The following SARNP variants were observed in gnomAD, a reference collection of about 807,000 sequenced individuals.
SARNP encodes the protein SAP domain containing ribonucleoprotein, also known as SAP domain-containing ribonucleoprotein.
Under a neutral mutation model 38.1 loss-of-function variants are expected in SARNP, and 5 were observed. The observed-to-expected ratio is 0.13, with a 90% CI of 0.07 to 0.28. The LOEUF is 0.28. Among genes scored for constraint, SARNP ranks in the 10% least tolerant of loss-of-function variants. The pLI is 1.00. For missense variants in SARNP, 180 were observed against 243.9 expected (o/e 0.74, Z 1.75); for synonymous variants, 84 against 80.6 (o/e 1.04, Z -0.23).
At chr12:55,773,034 AG>A (rs1225402484) in intron 9 of SARNP, among the ~76,000 whole-genome samples, 3 of 152,200 alleles carry the variant, frequency 2.0e-5, no homozygotes, top group Non-Finnish European at 4.4e-5. Context: ...GAAACTTTTC[AG>A]GAGACGTGAA....
At chr12:55,797,811 C>T (rs754664690) in intron 4 of SARNP, among the ~76,000 whole-genome samples, 2 of 152,158 alleles carry the variant, frequency 1.3e-5, no homozygotes, top group Non-Finnish European at 2.9e-5. Context: ...AACAACATTC[C>T]CTGAAATACA....
chr12:55,810,522 G>A lies in SARNP; in HGVS notation c.37-6794C>T, dbSNP rs537826644. On this transcript the variant is annotated intron_variant, in intron 1 of 10. Coordinates refer to ENST00000336133, the MANE Select transcript of SARNP (RefSeq NM_033082.4). ...GGCTGGAGTACAGTGGCACAATCTCGGCTCACTGCAACCTCCGTCTCTCCA... is the reference window on the plus strand; with the variant it reads ...GGCTGGAGTACAGTGGCACAATCTCAGCTCACTGCAACCTCCGTCTCTCCA... 2.8e-4 allele frequency among the ~76,000 whole-genome samples: 42 copies of A among 149,932 alleles called. No individual in the cohort carries two copies. The South Asian group carries it at 8.4e-3, about 30-fold the overall frequency.
At chr12:55,816,129 C>G (rs1187568586) in intron 1 of SARNP, among the ~76,000 whole-genome samples, 1 of 152,182 alleles carries the variant, frequency 6.6e-6, no homozygotes, top group East Asian at 1.9e-4. Flanking sequence ...GAAGGAGGAA[C>G]TCCATAAACC....
chr12:55,789,712 G>A (rs1879606707), intron 8 of SARNP, among the ~76,000 whole-genome samples: 1 of 152,080 alleles, frequency 6.6e-6, no homozygotes. Context: ...GGGAGGCCGA[G>A]GCAGGTGGAT....
chr12:55,811,261 A>G (rs1417379436), intron 1 of SARNP, among the ~76,000 whole-genome samples: 2 of 152,080 alleles, frequency 1.3e-5, no homozygotes, highest in African/African-American at 4.8e-5. Context: ...ACTTGCTTAA[A>G]TATCACACAG....
downstream of SARNP, chr12:55,754,032 C>T (rs1878424189): frequency 1.3e-5 from 2 of 152,212 alleles, no homozygotes; most frequent in South Asian, 4.1e-4. Context: ...GGGGACAGCG[C>T]TACTGCGGGT....
chr12:55,760,706 AATG>A, intron 9 of SARNP, 66 bp from the exon 10 acceptor site: 2 of 1,089,880 alleles, frequency 1.8e-6, no homozygotes, highest in South Asian at 1.3e-5. Context: ...ATGGGAATGA[AATG>A]ATAACTTATT....
chr12:55,782,886 G>A (rs1029901269), intron 9 of SARNP, among the ~76,000 whole-genome samples: 8 of 152,144 alleles, frequency 5.3e-5, no homozygotes, highest in African/African-American at 1.2e-4. Context: ...TGAGGCTGGC[G>A]GACTGCTTGA....
chr12:55,807,487 C>A (rs535591423), intron 1 of SARNP, among the ~76,000 whole-genome samples: 1 of 151,934 alleles, frequency 6.6e-6, no homozygotes, highest in East Asian at 1.9e-4. Context: ...CTGGGAAACA[C>A]CATGAGATGC....
At chr12:55,767,102 G>A (rs1878860177) in intron 9 of SARNP, among the ~76,000 whole-genome samples, 1 of 152,194 alleles carries the variant, frequency 6.6e-6, no homozygotes, top group Non-Finnish European at 1.5e-5. Flanking sequence ...CATGTGTAAA[G>A]AGTGCTTTGC....
At chr12:55,787,897 C>T (rs923099420) in intron 9 of SARNP, among the ~76,000 whole-genome samples, 7 of 151,964 alleles carry the variant, frequency 4.6e-5, no homozygotes, top group African/African-American at 1.7e-4. Context: ...TACAGGCACC[C>T]GCCACCACAC....
intron 9 of SARNP, among the ~76,000 whole-genome samples, chr12:55,782,468 G>A (rs531288945): frequency 1.3e-5 from 2 of 152,200 alleles, no homozygotes; most frequent in African/African-American, 4.8e-5. Flanking sequence ...TAGCACAGCA[G>A]TTAATACTAC....
At chr12:55,804,038 A>T (rs971320314) in intron 1 of SARNP, among the ~76,000 whole-genome samples, 1 of 152,204 alleles carries the variant, frequency 6.6e-6, no homozygotes, top group African/African-American at 2.4e-5. Context: ...GGGGGGAAAA[A>T]GGTTTTTTTC....
chr12:55,795,828 C>T (rs1879803489), intron 5 of SARNP, among the ~76,000 whole-genome samples, 197 bp downstream of exon 5: 1 of 152,182 alleles, frequency 6.6e-6, no homozygotes, highest in South Asian at 2.1e-4. Context: ...AAAAAGACTA[C>T]AACTTCAAGA....
chr12:55,798,949 G>C (rs1354709262), intron 4 of SARNP, among the ~76,000 whole-genome samples: 1 of 152,098 alleles, frequency 6.6e-6, no homozygotes, highest in African/African-American at 2.4e-5. Flanking sequence ...ACAATGCCTA[G>C]CATATAACTC....
intron 4 of SARNP, 100 bp downstream of exon 4, chr12:55,800,462 G>A: frequency 3.6e-6 from 3 of 831,710 alleles, no homozygotes; most frequent in South Asian, 1.9e-5. Flanking sequence ...AAAGGAAAAG[G>A]CCAATGGGAA....
intron 1 of SARNP, among the ~76,000 whole-genome samples, chr12:55,804,423 A>G (rs1176698102): frequency 1.3e-5 from 2 of 152,150 alleles, no homozygotes; most frequent in Non-Finnish European, 2.9e-5. Flanking sequence ...AACAGAAAAA[A>G]AAAAAAACAC....
intron 10 of SARNP, among the ~76,000 whole-genome samples, chr12:55,759,498 C>T (rs982335148): frequency 6.6e-6 from 1 of 151,590 alleles, no homozygotes; most frequent in Non-Finnish European, 1.5e-5. Flanking sequence ...GCAACCTCTG[C>T]CTCCCGGTTT....
intron 9 of SARNP, among the ~76,000 whole-genome samples, chr12:55,780,880 A>C (rs1879322461): frequency 6.6e-6 from 1 of 152,182 alleles, no homozygotes; most frequent in African/African-American, 2.4e-5. Flanking sequence ...TAAAACTTAT[A>C]AACTGTTTGT....
Sources: allele counts gnomAD v4.1 joint callset (sites outside exome capture counted in the v4.1 genomes callset), GRCh38; gene constraint gnomAD v4.1.1; transcripts MANE v1.5; gene names NCBI Gene and HGNC (gene_info 2026-07-23, HGNC 2026-07-21).